The following TRPM8 variants were observed in gnomAD, a reference collection of about 807,000 sequenced individuals.
TRPM8 encodes transient receptor potential cation channel subfamily M member 8, also known as TRPM8 cationic channel.
Under a neutral mutation model 133.7 loss-of-function variants are expected in TRPM8, and 110 were observed. The ratio of observed to expected loss-of-function variants is 0.82; its 90% CI spans 0.70 to 0.96. TRPM8 has a LOEUF of 0.96. TRPM8 is among the 40% of genes least tolerant of loss of function. The pLI is 0.00. For synonymous variants in TRPM8, 535 were observed against 532.3 expected (o/e 1.01, Z -0.07); for missense variants, 1,291 against 1,379.5 (o/e 0.94, Z 1.02).
At chr2:233,955,069 G>A in intron 10 of TRPM8, 63 bp from the exon 11 acceptor site, 1 of 1,255,458 alleles carries the variant, frequency 8.0e-7, no homozygotes, top group Non-Finnish European at 1.2e-6. Context: ...TGGCCACACT[G>A]AATGGTTCTC....
In TRPM8 at chr2:233,921,642, T is replaced by TTTTTTC. The variant is rs200901353; in HGVS notation, c.-6+4222_-6+4227dup. On this transcript the variant is annotated intron_variant, in intron 1 of 25. Transcript: ENST00000324695. ...AACACATTTTCTTTTTTCTTTTCTT[T>TTTTTTC]TTTTTCTTTTTCTTTTTTCTTTTTC... Among the ~76,000 whole-genome samples the TTTTTTC allele has an allele frequency of 2.7e-3, 405 of 150,864 alleles. 16 individuals are homozygous for TTTTTTC. In the East Asian group the frequency reaches 0.071, roughly 26 times the overall value.
chr2:233,995,914 G>A (rs1692390328), intron 21 of TRPM8, among the ~76,000 whole-genome samples: 1 of 152,022 alleles, frequency 6.6e-6, no homozygotes, highest in African/African-American at 2.4e-5. Context: ...CTAACAAGCT[G>A]TTTTCTTCTC....
rs1401322401 is a variant in TRPM8 at position 233,983,243 on chromosome 2, A to G, written c.2761+19A>G. 6.2e-7 allele frequency: 1 copy of G among 1,613,782 alleles called. No homozygotes were observed. Among genetic ancestry groups the G allele is most frequent in the Non-Finnish European group, 8.5e-7 (1 of 1,179,910 alleles). ...GTGGATGGTAAGCCTGACTTGGCTCAGATGGAAACAGCTTGGAGGAGGCAT... is the reference window on the plus strand; with the variant it reads ...GTGGATGGTAAGCCTGACTTGGCTCGGATGGAAACAGCTTGGAGGAGGCAT... On this transcript the variant is annotated intron_variant, in intron 20 of 25. Transcript: ENST00000324695.
At chr2:234,011,434 G>A (rs1692834155) in intron 24 of TRPM8, among the ~76,000 whole-genome samples, 1 of 151,886 alleles carries the variant, frequency 6.6e-6, no homozygotes, top group African/African-American at 2.4e-5. Context: ...GATTGCTTTG[G>A]CTATTCAGAA....
At chr2:233,992,566 A>C (rs17864761) in intron 21 of TRPM8, among the ~76,000 whole-genome samples, 1 of 152,208 alleles carries the variant, frequency 6.6e-6, no homozygotes, top group Non-Finnish European at 1.5e-5. Flanking sequence ...GTCCCTCTGC[A>C]TGGCCTCTCC....
intron 9 of TRPM8, among the ~76,000 whole-genome samples, chr2:233,952,925 C>T (rs1426218286): frequency 6.6e-6 from 1 of 152,160 alleles, no homozygotes; most frequent in African/African-American, 2.4e-5. Context: ...ACCCCTCCTC[C>T]CCGCCTGTCA....
At chr2:233,991,360 G>T (rs1363980537) in intron 21 of TRPM8, among the ~76,000 whole-genome samples, 3 of 152,152 alleles carry the variant, frequency 2.0e-5, no homozygotes, top group African/African-American at 7.2e-5. Flanking sequence ...GCTGGCTGTT[G>T]TTGGCTTTGT....
At chr2:233,975,255 T>C (rs1202425645) in intron 17 of TRPM8, among the ~76,000 whole-genome samples, 1 of 152,272 alleles carries the variant, frequency 6.6e-6, no homozygotes, top group East Asian at 1.9e-4. Flanking sequence ...GTAAATGCAT[T>C]GATGAAGCAC....
chr2:233,974,532 A>G (rs921568267), intron 17 of TRPM8, among the ~76,000 whole-genome samples: 1 of 152,106 alleles, frequency 6.6e-6, no homozygotes, highest in African/African-American at 2.4e-5. Flanking sequence ...GCGCTCGGCC[A>G]CCAAAAGGTT....
intron 4 of TRPM8, among the ~76,000 whole-genome samples, chr2:233,938,734 A>G (rs1435195569): frequency 6.6e-6 from 1 of 152,132 alleles, no homozygotes; most frequent in Non-Finnish European, 1.5e-5. Flanking sequence ...GACTTTGAAT[A>G]CGGTGGGAGG....
At chr2:233,992,378 A>G (rs1276948517) in intron 21 of TRPM8, among the ~76,000 whole-genome samples, 1 of 151,922 alleles carries the variant, frequency 6.6e-6, no homozygotes, top group African/African-American at 2.4e-5. Context: ...ATTATGATGC[A>G]TTGTACAAAA....
chr2:233,945,921 C>G lies in TRPM8; in HGVS notation c.765C>G (p.Asn255Lys). 1 of 1,614,154 alleles carries G rather than the reference C, an allele frequency of 6.2e-7. No homozygotes were observed. The highest frequency in any genetic ancestry group is 8.5e-7 in the Non-Finnish European group (1 of 1,180,000). Residue 255 changes from asparagine (N) to lysine (K), a missense_variant, in exon 7 of 26, where the codon AAC (asparagine) becomes AAG (lysine). Physicochemically the swap from Asn to Lys is moderately conservative, Grantham distance 94. This residue lies in a region of TRPM8 where 963 missense variants were observed against 968.9 expected (regional missense o/e 0.99). Transcript: ENST00000324695. ...FTRDPLYILDNNHTHLLLVDN... is the reference protein window; with the variant it reads ...FTRDPLYILDKNHTHLLLVDN... ...GAGATCCACTGTATATCCTGGACAACAACCACACACATTTGCTGCTCGTGG... is the reference window on the plus strand; with the variant it reads ...GAGATCCACTGTATATCCTGGACAAGAACCACACACATTTGCTGCTCGTGG...
At chr2:233,934,207 T>C (rs1288980272) in intron 3 of TRPM8, among the ~76,000 whole-genome samples, 4 of 152,136 alleles carry the variant, frequency 2.6e-5, no homozygotes, top group African/African-American at 9.7e-5. Flanking sequence ...CGGTGACTGA[T>C]GAGGGGGTAC....
intron 9 of TRPM8, among the ~76,000 whole-genome samples, chr2:233,953,362 C>T (rs1262704729): frequency 1.3e-5 from 2 of 152,222 alleles, no homozygotes; most frequent in East Asian, 3.8e-4. Context: ...CAAGCTCCAG[C>T]TGGGCTCGCC....
chr2:233,933,531 T>A (rs570465410), intron 3 of TRPM8, among the ~76,000 whole-genome samples: 1 of 152,280 alleles, frequency 6.6e-6, no homozygotes, highest in Admixed American at 6.5e-5. Flanking sequence ...GTATCTGCAC[T>A]CCTAATGTCT....
At chr2:234,008,207 C>T (rs944052536) in intron 24 of TRPM8, 104 bp downstream of exon 24, 13 of 1,177,664 alleles carry the variant, frequency 1.1e-5, no homozygotes, top group Non-Finnish European at 1.6e-5. Flanking sequence ...AAGTTATATT[C>T]AGCTTTCTTA....
chr2:233,943,954 C>T (rs1293350267), intron 6 of TRPM8, among the ~76,000 whole-genome samples: 4 of 151,494 alleles, frequency 2.6e-5, no homozygotes, highest in Admixed American at 2.6e-4. Context: ...ATATAAGGGG[C>T]AGGGGAGAGT....
At chr2:233,990,668 C>T (rs1421910626) in intron 21 of TRPM8, among the ~76,000 whole-genome samples, 1 of 152,198 alleles carries the variant, frequency 6.6e-6, no homozygotes, top group Non-Finnish European at 1.5e-5. Context: ...TTTTTCTCTT[C>T]TGCTCCTGCC....
intron 10 of TRPM8, among the ~76,000 whole-genome samples, chr2:233,954,609 G>A (rs912571081): frequency 3.3e-5 from 5 of 152,178 alleles, no homozygotes; most frequent in African/African-American, 9.7e-5. Context: ...AGCCAGGCAC[G>A]TTGGAAGTGC....
Sources: gnomAD v4.1 joint callset for allele counts (sites outside exome capture counted in the v4.1 genomes callset) on GRCh38, gnomAD v4.1.1 for gene constraint, gnomAD v4.1.1 regional missense constraint, MANE v1.5 for transcripts, NCBI Gene and HGNC (gene_info 2026-07-23, HGNC 2026-07-21) for gene names.